The following SIL1 variants were observed in gnomAD, a reference collection of about 807,000 sequenced individuals.
SIL1 encodes the protein SIL1 nucleotide exchange factor.
Under a neutral mutation model 49.1 loss-of-function variants are expected in SIL1, and 40 were observed. The ratio of observed to expected loss-of-function variants is 0.81; its 90% confidence interval spans 0.63 to 1.06. The LOEUF (loss-of-function observed/expected upper bound fraction) is 1.06, where lower values mean the gene tolerates loss of function less well. SIL1 is among the 50% of genes least tolerant of loss of function. The probability of loss-of-function intolerance (pLI) is 0.00; values close to 1 mark genes in which losing one functional copy is unlikely to be tolerated. For synonymous variants in SIL1, 253 were observed against 250.8 expected (o/e 1.01, Z -0.08); for missense variants, 500 against 572.6 (o/e 0.87, Z 1.29).
At chr5:139,102,996 G>T (rs1463120409) in intron 3 of SIL1, among the ~76,000 whole-genome samples, 2 of 152,150 alleles carry the variant, frequency 1.3e-5, no homozygotes, top group Admixed American at 6.5e-5. Flanking sequence ...TTACAGGTGT[G>T]AGCCACCATG....
At chr5:138,949,531 G>A (rs1313352807) in intron 9 of SIL1, among the ~76,000 whole-genome samples, 1 of 152,182 alleles carries the variant, frequency 6.6e-6, no homozygotes, top group Non-Finnish European at 1.5e-5. Flanking sequence ...AGCGCTGCAA[G>A]AGGCTGGACT....
intron 5 of SIL1, among the ~76,000 whole-genome samples, chr5:139,040,896 G>A (rs1490824791): frequency 6.6e-6 from 1 of 152,136 alleles, no homozygotes; most frequent in Non-Finnish European, 1.5e-5. Context: ...GAATTACTGG[G>A]GTGGGGGGAA....
intron 1 of SIL1, chr5:139,133,402 G>C (rs1418009604): frequency 1.3e-5 from 2 of 152,234 alleles, no homozygotes; most frequent in African/African-American, 4.8e-5. Flanking sequence ...GAGGCCACTC[G>C]GCCCCCACCT....
intron 3 of SIL1, among the ~76,000 whole-genome samples, chr5:139,114,523 A>C (rs1770944016): frequency 6.6e-6 from 1 of 152,294 alleles, no homozygotes; most frequent in Middle Eastern, 3.4e-3. Flanking sequence ...GTTCTCCCTA[A>C]CAAGCTTGTA....
intron 1 of SIL1, among the ~76,000 whole-genome samples, chr5:139,197,609 G>A (rs1752302892): frequency 6.6e-6 from 1 of 152,150 alleles, no homozygotes; most frequent in Admixed American, 6.5e-5. Flanking sequence ...CCCACTCAGA[G>A]CCCCATTCCA....
At chr5:139,027,387 C>G (rs780342959) in intron 5 of SIL1, among the ~76,000 whole-genome samples, 1 of 152,206 alleles carries the variant, frequency 6.6e-6, no homozygotes, top group Non-Finnish European at 1.5e-5. Flanking sequence ...TTCTCCACTT[C>G]TCACAATCAT....
intron 1 of SIL1, among the ~76,000 whole-genome samples, chr5:139,176,309 C>T (rs571136566): frequency 3.3e-5 from 5 of 152,100 alleles, no homozygotes; most frequent in African/African-American, 7.2e-5. Context: ...TCTAAGAAAA[C>T]GGAGGCTTTC....
intron 7 of SIL1, among the ~76,000 whole-genome samples, chr5:138,976,526 C>A (rs866314822): frequency 6.6e-6 from 1 of 152,004 alleles, no homozygotes; most frequent in Non-Finnish European, 1.5e-5. Context: ...GTTGGCCAGG[C>A]TGGTCTCAAA....
intron 7 of SIL1, among the ~76,000 whole-genome samples, chr5:139,015,905 C>T (rs920829614): frequency 3.9e-5 from 6 of 152,140 alleles, no homozygotes; most frequent in Admixed American, 6.5e-5. Flanking sequence ...GCTGCCCTCA[C>T]ATTATCGAGG....
chr5:139,090,223 G>A (rs910771095), intron 3 of SIL1, among the ~76,000 whole-genome samples: 7 of 152,118 alleles, frequency 4.6e-5, no homozygotes, highest in Non-Finnish European at 1.0e-4. Flanking sequence ...CAGTCCTAAA[G>A]TAAGTATTCT....
chr5:139,114,128 G>A (rs1770935138), intron 3 of SIL1, among the ~76,000 whole-genome samples: 2 of 152,214 alleles, frequency 1.3e-5, no homozygotes, highest in African/African-American at 4.8e-5. Flanking sequence ...GGGTAATGAA[G>A]GCCAAAGCCA....
chr5:139,042,333 A>G (rs1262883811), intron 5 of SIL1, among the ~76,000 whole-genome samples: 1 of 152,148 alleles, frequency 6.6e-6, no homozygotes, highest in Non-Finnish European at 1.5e-5. Context: ...TAATGGAGAG[A>G]ATGGCTACCC....
chr5:139,197,821 C>T (rs1272679883), intron 1 of SIL1, among the ~76,000 whole-genome samples: 1 of 152,160 alleles, frequency 6.6e-6, no homozygotes, highest in Admixed American at 6.5e-5. Flanking sequence ...AGTCTGTAAC[C>T]TCTAAAGGCA....
In SIL1 at chr5:138,947,602, C is replaced by G; in HGVS notation, c.1030-129G>C. The stretch of plus-strand genomic sequence containing the variant: ...GGCACGAGGCTGACCCCTGAGGGCC[C>G]ACCTCTTCCTCTATCCCCAAGTCTG... On this transcript the variant is annotated intron_variant, in intron 9 of 9. Transcript: ENST00000394817. The surrounding 1 kb of genome is among the most constrained non-coding windows in gnomAD (Gnocchi z 4.1). 1 of 744,630 alleles carries G rather than the reference C, an allele frequency of 1.3e-6. No individual in the cohort carries two copies. The highest frequency in any genetic ancestry group is 2.4e-6 in the Non-Finnish European group (1 of 417,430). 46.1% of individuals were successfully genotyped at this position (744,630 alleles called of 1,614,324 possible).
At chr5:139,015,850 G>A (rs960299430) in intron 7 of SIL1, among the ~76,000 whole-genome samples, 3 of 152,144 alleles carry the variant, frequency 2.0e-5, no homozygotes, top group African/African-American at 4.8e-5. Context: ...CATTCATAGC[G>A]CATTTCCTAG....
chr5:139,155,453 G>GAGAGAGAGAGAGAGAGAGAGA (rs1751388661), intron 1 of SIL1: 1 of 149,270 alleles, frequency 6.7e-6, no homozygotes, highest in Non-Finnish European at 1.5e-5. Context: ...CAGAGTGAGA[G>GAGAGAGAGAGAGAGAGAGAGA]AGAGAGAGAG....
chr5:139,138,055 T>G (rs1751009865), intron 1 of SIL1, among the ~76,000 whole-genome samples: 1 of 151,394 alleles, frequency 6.6e-6, no homozygotes, highest in African/African-American at 2.4e-5. Context: ...TCCCTTAAAC[T>G]CCTATCACTC....
chr5:139,153,747 A>G (rs1466997948), intron 1 of SIL1, among the ~76,000 whole-genome samples: 1 of 152,228 alleles, frequency 6.6e-6, no homozygotes, highest in Non-Finnish European at 1.5e-5. Context: ...GCCTTCTAAG[A>G]GAAAAAAAGG....
intron 1 of SIL1, among the ~76,000 whole-genome samples, chr5:139,197,047 T>A (rs1227311544): frequency 6.6e-6 from 1 of 152,044 alleles, no homozygotes; most frequent in Non-Finnish European, 1.5e-5. Flanking sequence ...GGTAGACAGA[T>A]CACCTGAGGT....
Sources: gnomAD v4.1 joint callset for allele counts (sites outside exome capture counted in the v4.1 genomes callset) on GRCh38, gnomAD v4.1.1 for gene constraint, Gnocchi (gnomAD v3.1) non-coding constraint, MANE v1.5 for transcripts, NCBI Gene and HGNC (gene_info 2026-07-23, HGNC 2026-07-21) for gene names.